The following ESRRG variants were observed in gnomAD, a reference collection of about 807,000 sequenced individuals.
ESRRG encodes estrogen related receptor gamma.
A neutral mutation model predicts 44.0 loss-of-function variants in ESRRG; 13 were observed. The observed-to-expected ratio is 0.30, with a 90% CI of 0.19 to 0.47. The LOEUF is 0.47. Among genes scored for constraint, ESRRG ranks in the 20% least tolerant of loss-of-function variants. ESRRG has a pLI of 1.00. For synonymous variants in ESRRG, 215 were observed against 214.6 expected (o/e 1.00, Z -0.02); for missense variants, 395 against 580.6 (o/e 0.68, Z 3.29).
rs116185466 is a variant in ESRRG at position 216,521,547 on chromosome 1, G to T, written c.863-2126C>A. Reference sequence around the variant, plus strand: ...TTGTTCCTTTTCATGCTCCCAAGTCGCAGTTTCTCTGCAGCAGCAGATGGA... The same window carrying T: ...TTGTTCCTTTTCATGCTCCCAAGTCTCAGTTTCTCTGCAGCAGCAGATGGA... On this transcript the variant is annotated intron_variant, in intron 5 of 6. Coordinates refer to ENST00000408911, the MANE Select transcript of ESRRG (RefSeq NM_001438.4). Among the ~76,000 whole-genome samples the T allele has an allele frequency of 3.7e-3, 567 of 152,098 alleles. 4 individuals are homozygous for T. Among genetic ancestry groups the T allele is most frequent in the African/African-American group, 0.013 (529 of 41,498 alleles).
At chr1:217,093,993 C>T (rs1416651224), upstream of ESRRG, among the ~76,000 whole-genome samples, 1 of 152,028 alleles carries the variant, frequency 6.6e-6, no homozygotes, top group Non-Finnish European at 1.5e-5. Flanking sequence ...AGCAATCCTC[C>T]TGCCTCAGAC....
rs375608828 is a variant in ESRRG, at chr1:217,124,800, G to A, written c.-230+12867C>T. On this transcript the variant is annotated intron_variant, in intron 1 of 8. Coordinates refer to the ESRRG transcript ENST00000366940. ...CATAAAAGTAGGCAATACATAGAAA[G>A]GAGGTATGTTTCAGCAAAGAAACTC... 4.7e-4 allele frequency among the ~76,000 whole-genome samples: 71 copies of A among 152,276 alleles called. 2 individuals are homozygous for A. In the South Asian group the frequency reaches 0.015, roughly 31 times the overall value.
intron 2 of ESRRG, among the ~76,000 whole-genome samples, chr1:216,873,634 G>T (rs1444396259): frequency 6.6e-6 from 1 of 151,770 alleles, no homozygotes; most frequent in Non-Finnish European, 1.5e-5. Context: ...TGGGGCTTTA[G>T]TTATCCTACT....
At chr1:217,041,133 T>C (rs1441385814) in intron 1 of ESRRG, among the ~76,000 whole-genome samples, 2 of 152,102 alleles carry the variant, frequency 1.3e-5, no homozygotes, top group African/African-American at 4.8e-5. Context: ...AAACTAAGCA[T>C]GAAAAAATAT....
chr1:216,727,585 T>C (rs2087804965), upstream of ESRRG, among the ~76,000 whole-genome samples: 1 of 152,140 alleles, frequency 6.6e-6, no homozygotes, highest in African/African-American at 2.4e-5. Context: ...ATGACTACTT[T>C]ACACTATATT....
rs34703060 is a variant in ESRRG, at chr1:216,794,117, AG to A, written c.-13-116627del. Among the ~76,000 whole-genome samples the A allele has an allele frequency of 1.0e-2, 1,521 of 152,306 alleles. 27 individuals carry two copies. Among genetic ancestry groups the A allele is most frequent in the African/African-American group, 0.035 (1,435 of 41,566 alleles). On this transcript the variant is annotated intron_variant, in intron 2 of 7. Coordinates refer to the ESRRG transcript ENST00000359162. ...TACAATGAGCCTCACTGAGCAATTT[AG>A]GAAGCCTTGGCCTTCTGCCTTATAA... is the stretch of plus-strand genomic sequence containing the variant.
At chr1:217,089,231 G>T (rs1367989721) in intron 1 of ESRRG, among the ~76,000 whole-genome samples, 1 of 152,002 alleles carries the variant, frequency 6.6e-6, no homozygotes, top group Non-Finnish European at 1.5e-5. Flanking sequence ...GGTGTTTAAA[G>T]AACAAATCTA....
At chr1:216,776,418 C>T (rs1045724529) in intron 2 of ESRRG, among the ~76,000 whole-genome samples, 2 of 152,028 alleles carry the variant, frequency 1.3e-5, no homozygotes, top group Non-Finnish European at 2.9e-5. Flanking sequence ...TCCCAAGGAT[C>T]CCAACCCTAG....
chr1:217,018,028 TA>T (rs1241995209), intron 1 of ESRRG, among the ~76,000 whole-genome samples: 1 of 152,178 alleles, frequency 6.6e-6, no homozygotes, highest in Non-Finnish European at 1.5e-5. Flanking sequence ...AATTTAAAAA[TA>T]AAAACCAACA....
chr1:216,662,558 G>A (rs992571260), intron 2 of ESRRG, among the ~76,000 whole-genome samples: 1 of 152,026 alleles, frequency 6.6e-6, no homozygotes, highest in African/African-American at 2.4e-5. Flanking sequence ...AGGGATTTCA[G>A]ATAAGTGCCT....
chr1:216,752,402 C>T lies in ESRRG; in HGVS notation c.-13-74911G>A, dbSNP rs142034561. Reference sequence around the variant, plus strand: ...AGGTAGGCACTCTGCAACAATTCATCTCAGCTGCCTCTAAAGAACAAAAAA... The same window carrying T: ...AGGTAGGCACTCTGCAACAATTCATTTCAGCTGCCTCTAAAGAACAAAAAA... On this transcript the variant is annotated intron_variant, in intron 2 of 7. Coordinates refer to the ESRRG transcript ENST00000359162. 2.4e-3 allele frequency among the ~76,000 whole-genome samples: 358 copies of T among 152,102 alleles called. 3 individuals carry two copies. Among genetic ancestry groups the T allele is most frequent in the Admixed American group, 3.7e-3 (56 of 15,244 alleles).
chr1:216,912,189 AGGAGAGG>A (rs2060508077), intron 2 of ESRRG, among the ~76,000 whole-genome samples: 14 of 41,084 alleles, frequency 3.4e-4, no homozygotes, highest in African/African-American at 9.4e-4. Context: ...AGAAAAGGAG[AGGAGAGG>A]AGAGGAGAGG....
At chr1:216,970,007 T>C (rs535712507) in intron 1 of ESRRG, among the ~76,000 whole-genome samples, 9 of 152,178 alleles carry the variant, frequency 5.9e-5, no homozygotes, top group African/African-American at 1.2e-4. Flanking sequence ...GAAGAGACAA[T>C]GGCACATGAA....
intron 3 of ESRRG, among the ~76,000 whole-genome samples, chr1:216,633,458 T>G: frequency 6.6e-6 from 1 of 152,184 alleles, no homozygotes; most frequent in East Asian, 1.9e-4. Flanking sequence ...ATGAATAAAC[T>G]GTCAAATCCG....
chr1:216,532,784 T>C (rs182940090), intron 5 of ESRRG, among the ~76,000 whole-genome samples: 50 of 152,316 alleles, frequency 3.3e-4, no homozygotes, highest in African/African-American at 1.1e-3. Flanking sequence ...TAGTCTCCCA[T>C]GAAATATTTA....
At chr1:216,512,346 T>C (rs1473440849) in intron 6 of ESRRG, among the ~76,000 whole-genome samples, 1 of 152,092 alleles carries the variant, frequency 6.6e-6, no homozygotes, top group Non-Finnish European at 1.5e-5. Flanking sequence ...ATCTTCAAAA[T>C]CCAGACACTG....
chr1:217,066,536 T>G (rs976852882), intron 1 of ESRRG, among the ~76,000 whole-genome samples: 23 of 151,076 alleles, frequency 1.5e-4, no homozygotes, highest in African/African-American at 4.9e-4. Flanking sequence ...CCACTGAGCC[T>G]GGCCTCCCAT....
intron 3 of ESRRG, among the ~76,000 whole-genome samples, chr1:216,616,826 G>T (rs1394290804): frequency 6.6e-6 from 1 of 152,038 alleles, no homozygotes; most frequent in Non-Finnish European, 1.5e-5. Context: ...GAAAGAGTAG[G>T]GTGGCAGAAA....
intron 1 of ESRRG, among the ~76,000 whole-genome samples, chr1:216,968,989 T>C (rs942040240): frequency 2.6e-5 from 4 of 152,344 alleles, no homozygotes; most frequent in African/African-American, 2.4e-5. Flanking sequence ...AGTTTACTAC[T>C]CTTCTGCAAG....
Sources: gnomAD v4.1 joint callset for allele counts (sites outside exome capture counted in the v4.1 genomes callset) on GRCh38, gnomAD v4.1.1 for gene constraint, MANE v1.5 for transcripts, NCBI Gene and HGNC (gene_info 2026-07-23, HGNC 2026-07-21) for gene names.